Variants in ABCA13 observed in about 807,000 individuals in gnomAD.
ABCA13 encodes the protein ATP-binding cassette sub-family A member 13.
In ABCA13, 476 loss-of-function variants were observed where a neutral mutation model predicts 478.7. The observed-to-expected ratio is 0.99, with a 90% confidence interval of 0.92 to 1.07. The LOEUF (loss-of-function observed/expected upper bound fraction) is 1.07. Among genes scored for constraint, ABCA13 ranks in the 50% least tolerant of loss-of-function variants. The probability of loss-of-function intolerance (pLI) is 0.00; values close to 1 mark genes in which losing one functional copy is unlikely to be tolerated. For missense variants in ABCA13, 6,060 were observed against 5,910.6 expected, an observed-to-expected ratio of 1.03 and a Z score of -0.83; for synonymous variants, 2,252 against 2,158.9, an observed-to-expected ratio of 1.04 and a Z score of -1.20.
chr7:48,230,024 A>C, intron 7 of ABCA13, 69 bp downstream of exon 7: 1 of 1,502,364 alleles, frequency 6.7e-7, no homozygotes. Flanking sequence ...GACAGTTGAC[A>C]TAGAGCTAAA....
rs1796062110 is a variant in ABCA13 at position 48,274,676 on chromosome 7, T to TA, written c.5012dup (p.Lys1672GlufsTer12). 6.2e-7 allele frequency: 1 copy of TA among 1,613,862 alleles called. No individual in the cohort carries two copies. Among genetic ancestry groups the TA allele is most frequent in the African/African-American group, 1.3e-5 (1 of 74,926 alleles). ...AGGTAACTTCTGTCATGCGTACCCT[T>TA]AAGAAGGCAGACATAGACCTTTTAG... On this transcript the variant is annotated frameshift_variant, in exon 17 of 62. Transcript: ENST00000435803. LOFTEE classifies it high-confidence loss of function.
chr7:48,602,315 T>C (rs1449643896), intron 58 of ABCA13, among the ~76,000 whole-genome samples: 2 of 152,196 alleles, frequency 1.3e-5, no homozygotes, highest in African/African-American at 4.8e-5. Flanking sequence ...ATGTCGTGAA[T>C]GGTATTGCCT....
chr7:48,589,431 T>G (rs748437948), intron 57 of ABCA13, among the ~76,000 whole-genome samples: 1 of 152,172 alleles, frequency 6.6e-6, no homozygotes, highest in Non-Finnish European at 1.5e-5. Context: ...GAAGTATAAT[T>G]AACTGATAAA....
chr7:48,592,155 C>T (rs1195317532), intron 57 of ABCA13, among the ~76,000 whole-genome samples: 1 of 151,326 alleles, frequency 6.6e-6, no homozygotes, highest in Non-Finnish European at 1.5e-5. Flanking sequence ...TTTCTTTATC[C>T]AGTTTCTTCA....
chr7:48,280,129 G>A lies in ABCA13; in HGVS notation c.8726+209G>A, dbSNP rs147359436. ...CATTATTTGGCATTCAAATATAATTGCAGTTTATTCAAAATATTTCAAAAG... is the reference window on the plus strand; with the variant it reads ...CATTATTTGGCATTCAAATATAATTACAGTTTATTCAAAATATTTCAAAAG... On this transcript the variant is annotated intron_variant, in intron 18 of 61. Transcript: ENST00000435803. Among the ~76,000 whole-genome samples the A allele has an allele frequency of 4.2e-3, 641 of 152,218 alleles. 3 individuals carry two copies. The highest frequency in any genetic ancestry group is 7.4e-3 in the Non-Finnish European group (504 of 68,010).
In ABCA13 at chr7:48,367,806, C is replaced by T. The variant is rs1336263610; in HGVS notation, c.10701C>T (p.Asn3567=). Residue 3567 remains asparagine (N), a synonymous_variant, in exon 32 of 62, where the codon AAC becomes AAT. Coordinates refer to ENST00000435803, the MANE Select transcript of ABCA13 (RefSeq NM_152701.5). ...TATCCCCTTACAGATTCCTGAACAA[C>T]GTTGGTTTCTTTTTTCCACTGATAA... ...PCHTSDLFLN[N]VGFFFPLIMM... 7 of 1,564,732 alleles carry T rather than the reference C, an allele frequency of 4.5e-6. No individual in the cohort carries two copies. Among genetic ancestry groups the T allele is most frequent in the East Asian group, 2.4e-5 (1 of 42,494 alleles).
intron 58 of ABCA13, among the ~76,000 whole-genome samples, chr7:48,602,170 G>A (rs761800549): frequency 2.0e-5 from 3 of 152,096 alleles, no homozygotes; most frequent in Non-Finnish European, 2.9e-5. Flanking sequence ...CCATTCTGTA[G>A]GTTGCCTGTT....
chr7:48,612,861 C>T lies in ABCA13; in HGVS notation c.14745-2424C>T, dbSNP rs191107474. 2.2e-4 allele frequency among the ~76,000 whole-genome samples: 32 copies of T among 143,654 alleles called. 1 individual carries two copies. The highest frequency in any genetic ancestry group is 1.8e-3 in the Admixed American group (27 of 14,678). The allele number at this position is 143,654 out of a possible 152,430, so 94.2% of individuals were successfully genotyped here. On this transcript the variant is annotated intron_variant, in intron 58 of 61. Transcript: ENST00000435803. ...TTACTGAGAAAATGGCCTTAACTTT[C>T]TGGGTATTTTTTTTTTTATTTGAGA...
At chr7:48,246,117 G>C in intron 13 of ABCA13, 87 bp downstream of exon 13, 2 of 1,414,726 alleles carry the variant, frequency 1.4e-6, no homozygotes, top group Middle Eastern at 5.0e-4. Context: ...CTGGAGTTTC[G>C]ATGAGGAAAG....
rs199906781 is a variant in ABCA13, at chr7:48,218,520, A to AT, written c.288-824dup. Among the ~76,000 whole-genome samples, 90 of 150,166 alleles carry AT rather than the reference A, an allele frequency of 6.0e-4. No homozygotes were observed. The East Asian group carries it at 0.012, about 19-fold the overall frequency. On this transcript the variant is annotated intron_variant, in intron 3 of 61. Transcript: ENST00000435803. ...CGATATAGCAAGATCCTCTCTCTAC[A>AT]TTTTTTTTTTAAAGCAAAGCAAAAC...
chr7:48,410,470 C>T, intron 39 of ABCA13, 50 bp from the exon 40 acceptor site: 1 of 1,610,120 alleles, frequency 6.2e-7, no homozygotes, highest in Non-Finnish European at 8.5e-7. Flanking sequence ...GGAAGGTCCT[C>T]CTGGGGCCTT....
At chr7:48,530,461 A>G (rs1413683379) in intron 55 of ABCA13, among the ~76,000 whole-genome samples, 2 of 152,060 alleles carry the variant, frequency 1.3e-5, no homozygotes, top group East Asian at 3.9e-4. Flanking sequence ...GTGTGCGCAA[A>G]TATCTTTTTC....
intron 58 of ABCA13, among the ~76,000 whole-genome samples, chr7:48,601,282 G>T (rs753014676): frequency 1.3e-5 from 2 of 151,880 alleles, no homozygotes; most frequent in Non-Finnish European, 2.9e-5. Flanking sequence ...GAACGTGCAG[G>T]TTTGTTACAT....
chr7:48,556,765 ACT>A (rs1262339758), intron 55 of ABCA13, among the ~76,000 whole-genome samples: 7 of 149,884 alleles, frequency 4.7e-5, no homozygotes, highest in Middle Eastern at 7.1e-3. Context: ...TCATTTGGCC[ACT>A]CTGTTTTTTG....
At chr7:48,323,773 T>G (rs1354085287) in intron 27 of ABCA13, among the ~76,000 whole-genome samples, 1 of 152,208 alleles carries the variant, frequency 6.6e-6, no homozygotes, top group East Asian at 1.9e-4. Context: ...ACATCTCATC[T>G]TGAATTGCCA....
chr7:48,489,212 A>G (rs1355281324), intron 47 of ABCA13, 24 bp from the exon 48 acceptor site: 2 of 1,570,264 alleles, frequency 1.3e-6, no homozygotes, highest in African/African-American at 1.4e-5. Flanking sequence ...CGTGAGAGCC[A>G]TTAAATTATC....
At chr7:48,194,609 C>T (rs1379316412) in intron 2 of ABCA13, among the ~76,000 whole-genome samples, 1 of 152,064 alleles carries the variant, frequency 6.6e-6, no homozygotes, top group African/African-American at 2.4e-5. Context: ...TCAGGCTATA[C>T]CACTTAAATA....
At chr7:48,449,073 C>T (rs942494250) in intron 42 of ABCA13, among the ~76,000 whole-genome samples, 5 of 152,130 alleles carry the variant, frequency 3.3e-5, no homozygotes, top group Non-Finnish European at 5.9e-5. Flanking sequence ...GAACTCTTGA[C>T]CTCCAGTGAT....
At chr7:48,384,408 G>A (rs913759990) in intron 35 of ABCA13, among the ~76,000 whole-genome samples, 3 of 152,254 alleles carry the variant, frequency 2.0e-5, no homozygotes, top group African/African-American at 7.2e-5. Flanking sequence ...GCTGCTAGAG[G>A]AGAGGCTAAC....
Sources: gnomAD v4.1 joint callset for allele counts (sites outside exome capture counted in the v4.1 genomes callset) on GRCh38, gnomAD v4.1.1 for gene constraint, MANE v1.5 for transcripts, NCBI Gene and HGNC (gene_info 2026-07-23, HGNC 2026-07-21) for gene names.